Variants in ACTR3C observed in about 807,000 individuals in gnomAD.
ACTR3C encodes the protein actin related protein 3C.
Under a neutral mutation model 26.3 loss-of-function variants are expected in ACTR3C, and 18 were observed. That is an observed-to-expected ratio of 0.68 (90% CI 0.47 to 1.01). The LOEUF is 1.01. Among genes scored for constraint, ACTR3C ranks in the 50% least tolerant of loss-of-function variants. The pLI, the probability that ACTR3C is intolerant of heterozygous loss-of-function variation, is 0.00. For missense variants in ACTR3C, 184 were observed against 250.7 expected, an observed-to-expected ratio of 0.73 and a Z score of 1.80; for synonymous variants, 55 against 94.5, an observed-to-expected ratio of 0.58 and a Z score of 2.42.
chr7:150,083,298 G>A, the ACTR3C span, among the ~76,000 whole-genome samples: 1 of 151,870 alleles, frequency 6.6e-6, no homozygotes, highest in Non-Finnish European at 1.5e-5. Context: ...GGGCACGGTG[G>A]CTCACATCTG....
chr7:149,919,460 C>T, the ACTR3C span, among the ~76,000 whole-genome samples: 2 of 152,054 alleles, frequency 1.3e-5, no homozygotes, highest in South Asian at 2.1e-4. Context: ...AGGCTGGTCT[C>T]GAACTCTGAC....
the ACTR3C span, among the ~76,000 whole-genome samples, chr7:150,161,215 TA>T: frequency 7.7e-6 from 1 of 129,298 alleles, no homozygotes; most frequent in South Asian, 2.4e-4. Context: ...TATATATATA[TA>T]TATATATATT....
the ACTR3C span, among the ~76,000 whole-genome samples, chr7:150,149,969 G>C: frequency 6.6e-6 from 1 of 152,172 alleles, no homozygotes; most frequent in Non-Finnish European, 1.5e-5. Context: ...CATGCCCACA[G>C]AACTGAAGCT....
chr7:150,259,668 C>A (rs995265864), intron 6 of ACTR3C, among the ~76,000 whole-genome samples: 3 of 152,126 alleles, frequency 2.0e-5, no homozygotes, highest in African/African-American at 7.2e-5. Context: ...TCCATTTTCT[C>A]CTGTCAGAGA....
downstream of ACTR3C, among the ~76,000 whole-genome samples, chr7:150,240,781 T>C (rs2129608393): frequency 6.6e-6 from 1 of 152,296 alleles, no homozygotes; most frequent in South Asian, 2.1e-4. Context: ...AACACTGTTG[T>C]TATTTGCAGA....
the ACTR3C span, among the ~76,000 whole-genome samples, chr7:149,906,463 A>C: frequency 6.8e-5 from 7 of 102,944 alleles, no homozygotes; most frequent in Admixed American, 1.5e-4. Flanking sequence ...ATGGAGCCTC[A>C]CTCTGTCCCC....
intron 6 of ACTR3C, among the ~76,000 whole-genome samples, chr7:150,277,221 T>C (rs1262760707): frequency 6.6e-6 from 1 of 152,180 alleles, no homozygotes; most frequent in Non-Finnish European, 1.5e-5. Flanking sequence ...CCAGGTGTGG[T>C]GGCTCACATC....
the ACTR3C span, among the ~76,000 whole-genome samples, chr7:149,988,813 T>C: frequency 6.6e-6 from 1 of 152,232 alleles, no homozygotes; most frequent in African/African-American, 2.4e-5. Flanking sequence ...CTTTATATAT[T>C]TGGGTGAACA....
the ACTR3C span, among the ~76,000 whole-genome samples, chr7:149,939,517 T>C: frequency 6.0e-3 from 921 of 152,268 alleles, 4 homozygotes; most frequent in Middle Eastern, 0.017. Flanking sequence ...ACAAGACAAC[T>C]AGAGAATGAC....
At chr7:150,276,794 C>A (rs891879146) in intron 6 of ACTR3C, among the ~76,000 whole-genome samples, 2 of 152,204 alleles carry the variant, frequency 1.3e-5, no homozygotes, top group African/African-American at 4.8e-5. Flanking sequence ...TGACCCTCAT[C>A]CTGTGTGACC....
the ACTR3C span, among the ~76,000 whole-genome samples, chr7:149,917,434 T>C: frequency 3.9e-5 from 6 of 152,126 alleles, no homozygotes; most frequent in African/African-American, 1.2e-4. Flanking sequence ...TGTTAAATGC[T>C]CCTATCTTTT....
chr7:149,899,695 G>A, the ACTR3C span, among the ~76,000 whole-genome samples: 7 of 150,456 alleles, frequency 4.7e-5, no homozygotes, highest in Non-Finnish European at 1.0e-4. Flanking sequence ...AGAAGGAAAA[G>A]AGAAAGAAGG....
chr7:150,010,345 A>C, the ACTR3C span, among the ~76,000 whole-genome samples: 19 of 152,154 alleles, frequency 1.2e-4, no homozygotes, highest in Non-Finnish European at 2.4e-4. Context: ...ACATCATTTC[A>C]TTTGATAACA....
the ACTR3C span, among the ~76,000 whole-genome samples, chr7:150,037,983 C>CTCTG: frequency 7.2e-6 from 1 of 139,460 alleles, no homozygotes; most frequent in African/African-American, 2.7e-5. Context: ...GGGAGGTTCG[C>CTCTG]AGTCCCCGCC....
chr7:149,885,498 T>G, the ACTR3C span, among the ~76,000 whole-genome samples: 1 of 152,324 alleles, frequency 6.6e-6, no homozygotes, highest in East Asian at 1.9e-4. Flanking sequence ...CCAGTGGAAC[T>G]TTGTGTTCTC....
the ACTR3C span, among the ~76,000 whole-genome samples, chr7:150,013,356 C>T: frequency 6.6e-6 from 1 of 152,048 alleles, no homozygotes; most frequent in African/African-American, 2.4e-5. Flanking sequence ...TGGGACCCCT[C>T]AGAACACTGC....
the ACTR3C span, among the ~76,000 whole-genome samples, chr7:150,066,941 C>T: frequency 6.6e-6 from 1 of 152,130 alleles, no homozygotes; most frequent in African/African-American, 2.4e-5. Flanking sequence ...GTTGGGTTTC[C>T]AAATAAGAAC....
At chr7:149,901,654 C>G in the ACTR3C span, among the ~76,000 whole-genome samples, 1 of 152,108 alleles carries the variant, frequency 6.6e-6, no homozygotes, top group African/African-American at 2.4e-5. Context: ...CACAGTGGCT[C>G]ACGCCTGTAA....
the ACTR3C span, among the ~76,000 whole-genome samples, chr7:150,082,362 T>C: frequency 8.9e-3 from 1,350 of 152,278 alleles, 16 homozygotes; most frequent in African/African-American, 0.03. Flanking sequence ...CACCCCCTTA[T>C]TGATCTCAAG....
Sources: allele counts gnomAD v4.1 joint callset (sites outside exome capture counted in the v4.1 genomes callset), GRCh38; gene constraint gnomAD v4.1.1; transcripts MANE v1.5; gene names NCBI Gene and HGNC (gene_info 2026-07-23, HGNC 2026-07-21).